SNX9: variants seen among roughly 807,000 people sequenced by gnomAD.
The protein encoded by SNX9 is sorting nexin 9.
A neutral mutation model predicts 89.4 loss-of-function variants in SNX9; 44 were observed. That is an observed-to-expected ratio of 0.49 (90% CI 0.39 to 0.63). SNX9 has a LOEUF of 0.63. SNX9 is among the 30% of genes least tolerant of loss of function. SNX9 has a pLI of 0.00. For missense variants in SNX9, 578 were observed against 736.1 expected (o/e 0.79, Z 2.49); for synonymous variants, 236 against 247.8 (o/e 0.95, Z 0.45).
chr6:157,884,265 C>T (rs1199426954), intron 4 of SNX9, among the ~76,000 whole-genome samples: 2 of 152,004 alleles, frequency 1.3e-5, no homozygotes, highest in African/African-American at 4.8e-5. Flanking sequence ...TTTTTCTCTA[C>T]AGAGATTTTC....
At chr6:157,932,930 T>C (rs1392217340) in intron 13 of SNX9, among the ~76,000 whole-genome samples, 1 of 150,578 alleles carries the variant, frequency 6.6e-6, no homozygotes, top group African/African-American at 2.5e-5. Flanking sequence ...AGGAAAAATG[T>C]TTGACCAAGT....
chr6:157,890,785 T>C (rs752710183), intron 4 of SNX9, among the ~76,000 whole-genome samples: 3 of 152,196 alleles, frequency 2.0e-5, no homozygotes, highest in Admixed American at 6.5e-5. Flanking sequence ...CGATTTTGTT[T>C]GTTGCATTTT....
rs1781280261 is a variant in SNX9 at position 157,823,560 on chromosome 6, C to T, written c.12+114C>T. On this transcript the variant is annotated intron_variant, in intron 1 of 17. Transcript: ENST00000392185. This position sits in a 1 kb window ranked among gnomAD's most constrained non-coding sequence, Gnocchi z 4.6. ...GGCCAGGGGTGGTCGAGGGGCCACT[C>T]CGCTTCCTCGGTGGAGTCCCCGGGC... The T allele has an allele frequency of 2.2e-6, 2 of 928,204 alleles. No individual in the cohort carries two copies. The highest frequency in any genetic ancestry group is 1.8e-5 in the African/African-American group (1 of 56,940). 57.5% of individuals were successfully genotyped at this position (928,204 alleles called of 1,614,324 possible).
chr6:157,903,462 A>C lies in SNX9; in HGVS notation c.620+1417A>C, dbSNP rs141662189. Reference sequence around the variant, plus strand: ...GCTCAATTGCATGCATAATAAAGTGAATAATTCTCTGTCTTGTTAGTCAAC... The same window carrying C: ...GCTCAATTGCATGCATAATAAAGTGCATAATTCTCTGTCTTGTTAGTCAAC... On this transcript the variant is annotated intron_variant, in intron 6 of 17. Transcript: ENST00000392185. Among the ~76,000 whole-genome samples, 19 of 152,334 alleles carry C rather than the reference A, an allele frequency of 1.2e-4. No homozygotes were observed. In the East Asian group the frequency reaches 2.5e-3, roughly 20 times the overall value.
chr6:157,937,385 A>G, intron 14 of SNX9, 49 bp from the exon 15 acceptor site: 1 of 1,344,692 alleles, frequency 7.4e-7, no homozygotes, highest in Non-Finnish European at 1.1e-6. Flanking sequence ...CTTTTCCTTG[A>G]TTTTCTGAAT....
intron 4 of SNX9, among the ~76,000 whole-genome samples, chr6:157,882,587 C>A (rs1173588136): frequency 1.3e-5 from 2 of 152,168 alleles, no homozygotes; most frequent in African/African-American, 4.8e-5. Context: ...ATTCATGATT[C>A]ATGGAAGAAG....
At position 157,941,266 on chromosome 6, in the gene SNX9, G is replaced by A. The variant is rs575081408; in HGVS notation, c.1740+292G>A. Among the ~76,000 whole-genome samples, 15 of 152,210 alleles carry A rather than the reference G, an allele frequency of 9.9e-5. 1 individual carries two copies. In the South Asian group the frequency reaches 3.1e-3, roughly 32 times the overall value. On this transcript the variant is annotated intron_variant, in intron 17 of 17. Transcript: ENST00000392185. ...TCCTTCCCCCCGTCACAGCCTCTCTGTGCCTCTGTGCACCAGGAACGGTGC... is the reference window on the plus strand; with the variant it reads ...TCCTTCCCCCCGTCACAGCCTCTCTATGCCTCTGTGCACCAGGAACGGTGC...
intron 5 of SNX9, among the ~76,000 whole-genome samples, chr6:157,898,360 G>C (rs1011543249): frequency 2.0e-5 from 3 of 152,234 alleles, no homozygotes; most frequent in African/African-American, 7.2e-5. Context: ...GCAGAAGGCT[G>C]AGGGCCCCTG....
intron 1 of SNX9, among the ~76,000 whole-genome samples, chr6:157,829,719 T>G: frequency 6.6e-6 from 1 of 152,340 alleles, no homozygotes; most frequent in South Asian, 2.1e-4. Context: ...AATGCATTTT[T>G]TCTTAAAGAC....
At chr6:157,919,733 A>G (rs577181762) in intron 9 of SNX9, among the ~76,000 whole-genome samples, 3 of 152,098 alleles carry the variant, frequency 2.0e-5, no homozygotes, top group Non-Finnish European at 2.9e-5. Flanking sequence ...GATAGTGTCT[A>G]TTGACTGTTT....
At chr6:157,826,817 T>TAA (rs1781358681) in intron 1 of SNX9, among the ~76,000 whole-genome samples, 2 of 103,174 alleles carry the variant, frequency 1.9e-5, no homozygotes, top group African/African-American at 1.1e-4. Flanking sequence ...TATATATAAA[T>TAA]ATATATTATA....
chr6:157,889,622 T>G (rs1223015792), intron 4 of SNX9, among the ~76,000 whole-genome samples: 5 of 152,304 alleles, frequency 3.3e-5, no homozygotes, highest in East Asian at 3.9e-4. Flanking sequence ...TATTTCTGTC[T>G]TCTTCCTCTT....
Position 157,944,981 on chromosome 6 carries a change from T to C in SNX9, c.*2143T>C, listed in dbSNP as rs1414359233. ...TCACATGCACCATTTGGTTCTTAGA[T>C]ACGTTGATGTTTTGATTTTTAATGA... On this transcript the variant is annotated 3_prime_UTR_variant, in exon 18 of 18. Coordinates refer to ENST00000392185, the MANE Select transcript of SNX9 (RefSeq NM_016224.5). The C allele has an allele frequency of 6.6e-6, 1 of 152,224 alleles. No individual in the cohort carries two copies. Among genetic ancestry groups the C allele is most frequent in the Non-Finnish European group, 1.5e-5 (1 of 68,038 alleles). The allele number at this position is 152,224 out of a possible 1,614,324, so 9.4% of individuals were successfully genotyped here. A position where few individuals can be genotyped will look rare whatever the true frequency, so the allele number is the denominator to read the frequency against.
In SNX9 at chr6:157,928,703, G is replaced by A. The variant is rs754426646; in HGVS notation, c.1288+1G>A. The A allele has an allele frequency of 8.2e-6, 13 of 1,589,648 alleles. No homozygotes were observed. Among genetic ancestry groups the A allele is most frequent in the Non-Finnish European group, 1.1e-5 (13 of 1,168,692 alleles). ...GAGCACTGGAAGCGCTGCACGGGCC[G>A]TAAGTCCACTCCTCACAGTGCACTG... On this transcript the variant is annotated splice_donor_variant, in intron 12 of 17. Coordinates refer to ENST00000392185, the MANE Select transcript of SNX9 (RefSeq NM_016224.5). LOFTEE classifies it high-confidence loss of function.
At chr6:157,833,293 A>AT (rs886593016) in intron 1 of SNX9, among the ~76,000 whole-genome samples, 39 of 151,684 alleles carry the variant, frequency 2.6e-4, no homozygotes, top group African/African-American at 3.9e-4. Flanking sequence ...GAAAAAAAAG[A>AT]TTTTTTTTTA....
chr6:157,875,200 G>A (rs1351464801), intron 4 of SNX9, 24 bp downstream of exon 4: 3 of 1,594,030 alleles, frequency 1.9e-6, no homozygotes, highest in African/African-American at 1.3e-5. Flanking sequence ...CCTCCTTCTG[G>A]ATGTGGCTGG....
intron 1 of SNX9, among the ~76,000 whole-genome samples, chr6:157,845,243 G>A (rs2115116850): frequency 6.6e-6 from 1 of 151,896 alleles, no homozygotes; most frequent in African/African-American, 2.4e-5. Context: ...CGAATAGCTG[G>A]GCTTACAGGC....
In SNX9 at chr6:157,895,028, A is replaced by G. The variant is rs530688647; in HGVS notation, c.301-1799A>G. On this transcript the variant is annotated intron_variant, in intron 4 of 17. Coordinates refer to ENST00000392185, the MANE Select transcript of SNX9 (RefSeq NM_016224.5). ...AGGGCCTGTATCACACTAGAGTCAC[A>G]TATATTTAGGAGTTTGGGGGCAAAG... is the stretch of plus-strand genomic sequence containing the variant. Among the ~76,000 whole-genome samples the G allele has an allele frequency of 2.6e-4, 40 of 152,302 alleles. 1 individual carries two copies. The highest frequency in any genetic ancestry group is 2.9e-4 in the Non-Finnish European group (20 of 68,026).
chr6:157,908,363 T>C (rs1325098895), intron 7 of SNX9, among the ~76,000 whole-genome samples: 5 of 152,228 alleles, frequency 3.3e-5, no homozygotes, highest in African/African-American at 4.8e-5. Flanking sequence ...CATGTGTTTG[T>C]TTTTTCATTC....
Sources: gnomAD v4.1 joint callset for allele counts (sites outside exome capture counted in the v4.1 genomes callset) on GRCh38, gnomAD v4.1.1 for gene constraint, Gnocchi (gnomAD v3.1) non-coding constraint, MANE v1.5 for transcripts, NCBI Gene and HGNC (gene_info 2026-07-23, HGNC 2026-07-21) for gene names.